Variants in MRPS9 observed in about 807,000 individuals in gnomAD.
The protein encoded by MRPS9 is mitochondrial ribosomal protein S9.
MRPS9 carries 45 observed loss-of-function variants against 59.9 expected under a neutral mutation model. The ratio of observed to expected loss-of-function variants is 0.75; its 90% CI spans 0.59 to 0.96. The LOEUF (loss-of-function observed/expected upper bound fraction) is 0.96. Ranked by LOEUF, MRPS9 falls within the 40% of genes least tolerant of loss-of-function variation. MRPS9 has a pLI of 0.00. For synonymous variants in MRPS9, 171 were observed against 166.8 expected (o/e 1.03, Z -0.19); for missense variants, 473 against 481.1 (o/e 0.98, Z 0.16).
chr2:105,080,921 AAC>A (rs1491112983), intron 5 of MRPS9, among the ~76,000 whole-genome samples: 30 of 99,644 alleles, frequency 3.0e-4, no homozygotes, highest in Admixed American at 8.7e-4. Flanking sequence ...GAAAAAAAAA[AAC>A]AACCTTCTTT....
intron 2 of MRPS9, among the ~76,000 whole-genome samples, chr2:105,068,423 C>T (rs1573431968): frequency 6.6e-6 from 1 of 152,172 alleles, no homozygotes; most frequent in East Asian, 1.9e-4. Context: ...TATAAGCCTA[C>T]CAAGTAAAGA....
chr2:105,074,922 T>A lies in MRPS9; in HGVS notation c.409+3433T>A, dbSNP rs150473017. On this transcript the variant is annotated intron_variant, in intron 4 of 10. Transcript: ENST00000258455. ...CGGGATGATTCAAGCTCATTACATT[T>A]ATTGTGAGCTTTATTTCTATTATTA... is the stretch of plus-strand genomic sequence containing the variant. Among the ~76,000 whole-genome samples, 85 of 152,304 alleles carry A rather than the reference T, an allele frequency of 5.6e-4. No individual in the cohort carries two copies. The East Asian group carries it at 0.015, about 27-fold the overall frequency.
chr2:105,057,041 G>A (rs1679803786), intron 2 of MRPS9, among the ~76,000 whole-genome samples: 1 of 152,028 alleles, frequency 6.6e-6, no homozygotes, highest in Admixed American at 6.5e-5. Flanking sequence ...TGGTGAAAAA[G>A]TAAAGTATTA....
At chr2:105,074,785 A>G (rs997660986) in intron 4 of MRPS9, among the ~76,000 whole-genome samples, 1 of 152,182 alleles carries the variant, frequency 6.6e-6, no homozygotes, top group Non-Finnish European at 1.5e-5. Flanking sequence ...TAATTGCCAC[A>G]GTTGTCTCAA....
In MRPS9 at chr2:105,049,240, T is replaced by G; in HGVS notation, c.205T>G (p.Tyr69Asp). Residue 69 changes from tyrosine (Y) to aspartate (D), a missense_variant, in exon 2 of 11, where the codon TAC becomes GAC. Transcript: ENST00000258455. ...CGTTCCTACCTCAAAACGTGAAACT[T>G]ACACAGAGGATTTTATTAAAAAGCA... Reference protein sequence around the residue: ...KNVPTSKRETYTEDFIKKQIE... With the variant: ...KNVPTSKRETDTEDFIKKQIE... 2 of 1,613,552 alleles carry G rather than the reference T, an allele frequency of 1.2e-6. No homozygotes were observed. Among genetic ancestry groups the G allele is most frequent in the Non-Finnish European group, 1.7e-6 (2 of 1,179,744 alleles).
intron 4 of MRPS9, 136 bp from the exon 5 acceptor site, chr2:105,079,847 A>C: frequency 2.1e-6 from 1 of 480,564 alleles, no homozygotes; most frequent in South Asian, 4.1e-5. Flanking sequence ...AAATATTAAA[A>C]TTCTAAATGT....
rs776693884 is a variant in MRPS9, at chr2:105,071,539, G to T, written c.409+50G>T. On this transcript the variant is annotated intron_variant, in intron 4 of 10. Coordinates refer to ENST00000258455, the MANE Select transcript of MRPS9 (RefSeq NM_182640.3). ...AACAGTTTTTTCTTTACCGTATTCC[G>T]GTGTTAGGTTATGTATCAGCGGTTG... The T allele has an allele frequency of 7.1e-6, 11 of 1,555,542 alleles. No homozygotes were observed. The South Asian group carries it at 1.3e-4, about 18-fold the overall frequency.
intron 4 of MRPS9, 99 bp downstream of exon 4, chr2:105,071,588 C>T (rs1573434571): frequency 2.6e-6 from 3 of 1,161,068 alleles, no homozygotes; most frequent in South Asian, 3.0e-5. Context: ...GGGTGGCCTT[C>T]CTGTGTCACA....
intron 4 of MRPS9, among the ~76,000 whole-genome samples, chr2:105,076,546 T>C (rs1484177556): frequency 1.3e-5 from 2 of 152,242 alleles, no homozygotes; most frequent in African/African-American, 2.4e-5. Flanking sequence ...ATTCATTTAA[T>C]GGAATGCTGA....
intron 4 of MRPS9, among the ~76,000 whole-genome samples, chr2:105,076,239 A>G (rs914164054): frequency 8.5e-5 from 13 of 152,248 alleles, no homozygotes; most frequent in African/African-American, 3.1e-4. Context: ...GCCACAGTAT[A>G]GTTACTGGGC....
intron 2 of MRPS9, among the ~76,000 whole-genome samples, chr2:105,057,411 T>C (rs1279458526): frequency 1.3e-5 from 2 of 152,216 alleles, no homozygotes; most frequent in Non-Finnish European, 2.9e-5. Flanking sequence ...GTTAACAGTA[T>C]ACATAACTGT....
At chr2:105,064,857 A>C (rs369016988) in intron 2 of MRPS9, among the ~76,000 whole-genome samples, 14 of 152,258 alleles carry the variant, frequency 9.2e-5, no homozygotes, top group East Asian at 3.9e-4. Context: ...TTGTTTAGAA[A>C]GGAAGAAATG....
At chr2:105,047,326 A>G (rs150189911) in intron 1 of MRPS9, among the ~76,000 whole-genome samples, 15 of 152,108 alleles carry the variant, frequency 9.9e-5, no homozygotes, top group African/African-American at 3.4e-4. Context: ...AAGAAACTCT[A>G]TTTTTACTAT....
rs371777531 is a variant in MRPS9, at chr2:105,053,735, C to A, written c.315+4385C>A. Among the ~76,000 whole-genome samples the A allele has an allele frequency of 5.8e-4, 88 of 152,220 alleles. 2 individuals carry two copies. The South Asian group carries it at 0.017, about 30-fold the overall frequency. ...TCCAGAGAAGAGATACTTAACATCA[C>A]TATGTAAAGATAAGTGGTGGCAGCT... On this transcript the variant is annotated intron_variant, in intron 2 of 10. Coordinates refer to ENST00000258455, the MANE Select transcript of MRPS9 (RefSeq NM_182640.3).
intron 7 of MRPS9, among the ~76,000 whole-genome samples, chr2:105,090,674 C>A (rs796863006): frequency 4.4e-4 from 67 of 152,294 alleles, no homozygotes; most frequent in African/African-American, 1.5e-3. Context: ...TCTAATATAT[C>A]AACATTTTCA....
At chr2:105,078,054 A>G (rs899933948) in intron 4 of MRPS9, among the ~76,000 whole-genome samples, 4 of 152,094 alleles carry the variant, frequency 2.6e-5, no homozygotes, top group Non-Finnish European at 5.9e-5. Context: ...CTGCTAATTA[A>G]AATGGTGGTT....
intron 1 of MRPS9, among the ~76,000 whole-genome samples, chr2:105,048,715 G>C (rs73947835): frequency 0.21 from 31,686 of 151,624 alleles, 3,614 homozygotes; most frequent in Middle Eastern, 0.35. Flanking sequence ...GGTGAATACC[G>C]ACAGTGTAAG....
intron 2 of MRPS9, among the ~76,000 whole-genome samples, chr2:105,057,619 G>T (rs913741059): frequency 2.6e-5 from 4 of 152,178 alleles, no homozygotes; most frequent in South Asian, 4.1e-4. Flanking sequence ...GAACTTTATA[G>T]ACCTTGTAAC....
rs1335570503 is a variant in MRPS9 at position 105,080,012 on chromosome 2, T to C, written c.439T>C (p.Phe147Leu). 1 of 1,611,924 alleles carries C rather than the reference T, an allele frequency of 6.2e-7. No homozygotes were observed. The highest frequency in any genetic ancestry group is 1.3e-5 in the African/African-American group (1 of 74,952). ...AIQWGEDGRP[F>L]HYLFYTGKQS... ...CCAGTGGGGAGAAGATGGCCGTCCA[T>C]TTCACTATCTCTTCTATACTGGCAA... Residue 147 changes from phenylalanine to leucine, a missense_variant, in exon 5 of 11, where the codon TTT becomes CTT. Coordinates refer to ENST00000258455, the MANE Select transcript of MRPS9 (RefSeq NM_182640.3).
Sources: allele counts gnomAD v4.1 joint callset (sites outside exome capture counted in the v4.1 genomes callset), GRCh38; gene constraint gnomAD v4.1.1; transcripts MANE v1.5; gene names NCBI Gene and HGNC (gene_info 2026-07-23, HGNC 2026-07-21).